The following LINGO2 variants were observed in gnomAD, a reference collection of about 807,000 sequenced individuals.
The protein encoded by LINGO2 is leucine-rich repeat and immunoglobulin-like domain-containing nogo receptor-interacting protein 2.
In LINGO2, 14 loss-of-function variants were observed where a neutral mutation model predicts 30.6. That is an observed-to-expected ratio of 0.46 (90% CI 0.30 to 0.72). The LOEUF is 0.72. LINGO2 is among the 30% of genes least tolerant of loss of function. The pLI is 0.07. For synonymous variants in LINGO2, 317 were observed against 288.5 expected, an observed-to-expected ratio of 1.10 and a Z score of -1.00; for missense variants, 729 against 751.7, an observed-to-expected ratio of 0.97 and a Z score of 0.35.
intron 2 of LINGO2, among the ~76,000 whole-genome samples, chr9:28,406,937 T>C (rs979347996): frequency 6.6e-6 from 1 of 152,152 alleles, no homozygotes; most frequent in Non-Finnish European, 1.5e-5. Context: ...ACACTCAAGA[T>C]AACCACCAGC....
chr9:28,976,673 A>G, the LINGO2 span, among the ~76,000 whole-genome samples: 22 of 152,158 alleles, frequency 1.4e-4, no homozygotes, highest in Non-Finnish European at 3.1e-4. Context: ...AGGATCAGCT[A>G]TATAAGATAT....
At chr9:28,084,452 C>T (rs1467510363) in intron 4 of LINGO2, among the ~76,000 whole-genome samples, 9 of 152,012 alleles carry the variant, frequency 5.9e-5, no homozygotes, top group Non-Finnish European at 1.2e-4. Context: ...ATCACATATG[C>T]TAAAGTGAAG....
At chr9:28,947,901 C>T in the LINGO2 span, among the ~76,000 whole-genome samples, 6 of 152,034 alleles carry the variant, frequency 3.9e-5, no homozygotes, top group African/African-American at 1.2e-4. Flanking sequence ...TTGAAACCAT[C>T]TCCAGTGGAT....
intron 4 of LINGO2, among the ~76,000 whole-genome samples, chr9:28,041,628 A>C (rs1824198860): frequency 6.6e-6 from 1 of 152,210 alleles, no homozygotes; most frequent in Non-Finnish European, 1.5e-5. Flanking sequence ...ATCAACAAGA[A>C]AAAGTAAATC....
chr9:28,575,980 A>G (rs1823965069), intron 1 of LINGO2, among the ~76,000 whole-genome samples: 1 of 152,098 alleles, frequency 6.6e-6, no homozygotes, highest in Non-Finnish European at 1.5e-5. Context: ...AGGGACAGAC[A>G]TAGACATGCA....
At chr9:28,883,640 A>G in the LINGO2 span, among the ~76,000 whole-genome samples, 4,076 of 111,440 alleles carry the variant, frequency 0.037, 501 homozygotes, top group Middle Eastern at 0.047. Flanking sequence ...ATATATATAT[A>G]TATATATATA....
At chr9:27,954,852 T>C (rs1415312869) in intron 5 of LINGO2, among the ~76,000 whole-genome samples, 1 of 152,200 alleles carries the variant, frequency 6.6e-6, no homozygotes, top group Non-Finnish European at 1.5e-5. Flanking sequence ...GCTGTAGTAG[T>C]TCACATTTAC....
At chr9:28,706,336 A>C in the LINGO2 span, among the ~76,000 whole-genome samples, 2 of 152,140 alleles carry the variant, frequency 1.3e-5, no homozygotes, top group South Asian at 4.1e-4. Flanking sequence ...AAAGGTAAGA[A>C]TCCATGGCCA....
the LINGO2 span, among the ~76,000 whole-genome samples, chr9:28,842,659 T>C: frequency 6.6e-6 from 1 of 151,962 alleles, no homozygotes; most frequent in Non-Finnish European, 1.5e-5. Context: ...AAGAATAACT[T>C]TTTTGGGATA....
At chr9:29,035,270 C>A in the LINGO2 span, among the ~76,000 whole-genome samples, 1 of 151,952 alleles carries the variant, frequency 6.6e-6, no homozygotes, top group Non-Finnish European at 1.5e-5. Context: ...ATGAAGGTCA[C>A]ATAGATTGTG....
chr9:29,165,392 T>A, the LINGO2 span, among the ~76,000 whole-genome samples: 7 of 152,004 alleles, frequency 4.6e-5, no homozygotes, highest in Non-Finnish European at 1.0e-4. Flanking sequence ...CTCTGGGAAA[T>A]CCAAAACCTT....
At chr9:27,990,382 T>C (rs1821333777) in intron 5 of LINGO2, among the ~76,000 whole-genome samples, 1 of 151,842 alleles carries the variant, frequency 6.6e-6, no homozygotes, top group Admixed American at 6.6e-5. Flanking sequence ...ATGGCTTATG[T>C]TCCTCAGCAC....
chr9:28,935,450 A>G, the LINGO2 span, among the ~76,000 whole-genome samples: 17 of 152,100 alleles, frequency 1.1e-4, no homozygotes, highest in Non-Finnish European at 1.8e-4. Flanking sequence ...GAGAGTAGAG[A>G]AGAAGCAATT....
chr9:28,272,259 T>C (rs1822967485), intron 4 of LINGO2, among the ~76,000 whole-genome samples: 1 of 152,098 alleles, frequency 6.6e-6, no homozygotes, highest in Non-Finnish European at 1.5e-5. Context: ...CGTGTTCCTC[T>C]TACGCCAAAA....
chr9:29,128,442 C>G, the LINGO2 span, among the ~76,000 whole-genome samples: 1 of 152,086 alleles, frequency 6.6e-6, no homozygotes, highest in African/African-American at 2.4e-5. Flanking sequence ...ACTTGATATT[C>G]TTTTGAAATA....
In LINGO2 at chr9:28,212,495, C is replaced by A. The variant is rs1820625862; in HGVS notation, c.-87+82713G>T. On this transcript the variant is annotated intron_variant, in intron 4 of 5. Transcript: ENST00000379992. ...TTTCATTCTGTTCATGTACGATGTACATATGAACTGGATTTAGAAAAAAAT... is the reference window on the plus strand; with the variant it reads ...TTTCATTCTGTTCATGTACGATGTAAATATGAACTGGATTTAGAAAAAAAT... Among the ~76,000 whole-genome samples the A allele has an allele frequency of 2.0e-5, 3 of 151,376 alleles. No individual in the cohort carries two copies. In the South Asian group the frequency reaches 6.2e-4, roughly 31 times the overall value.
chr9:28,870,372 A>T, the LINGO2 span, among the ~76,000 whole-genome samples: 1 of 152,004 alleles, frequency 6.6e-6, no homozygotes, highest in Non-Finnish European at 1.5e-5. Context: ...ACATAAAATG[A>T]CTTTATGTAC....
the LINGO2 span, chr9:28,889,090 T>A: frequency 2.8e-6 from 1 of 362,832 alleles, no homozygotes; most frequent in East Asian, 7.7e-5. Flanking sequence ...TTTCAAACAG[T>A]TTTGTGGGCA....
intron 4 of LINGO2, among the ~76,000 whole-genome samples, chr9:28,105,456 A>G (rs1031763332): frequency 1.1e-4 from 17 of 152,204 alleles, no homozygotes; most frequent in Admixed American, 7.2e-4. Flanking sequence ...AACTAAACAG[A>G]TAAATACACG....
Sources: allele counts gnomAD v4.1 joint callset (sites outside exome capture counted in the v4.1 genomes callset), GRCh38; gene constraint gnomAD v4.1.1; transcripts MANE v1.5; gene names NCBI Gene and HGNC (gene_info 2026-07-23, HGNC 2026-07-21).